Variants in ZNF70 observed in about 807,000 individuals in gnomAD.
The protein encoded by ZNF70 is zinc finger protein 70, also known as zinc finger protein N27C7-1.
Under a neutral mutation model 37.7 loss-of-function variants are expected in ZNF70, and 18 were observed. The ratio of observed to expected loss-of-function variants is 0.48; its 90% CI spans 0.33 to 0.71. ZNF70 has a LOEUF of 0.71. Ranked by LOEUF, ZNF70 falls within the 30% of genes least tolerant of loss-of-function variation. The pLI is 0.02. For missense variants in ZNF70, 506 were observed against 568.6 expected, an observed-to-expected ratio of 0.89 and a Z score of 1.12; for synonymous variants, 219 against 220.1, an observed-to-expected ratio of 0.99 and a Z score of 0.05.
At position 23,745,120 on chromosome 22, in the gene ZNF70, T is replaced by C. The variant is rs543302158; in HGVS notation, c.21A>G (p.Thr7=). 1.9e-6 allele frequency: 3 copies of C among 1,612,356 alleles called. No individual in the cohort carries two copies. In the East Asian group the frequency reaches 6.7e-5, roughly 36 times the overall value. MEVPPA[T]KFGETFAFEN... ...CAAATGCAAAGGTCTCACCAAACTT[T>C]GTTGCTGGGGGAACCTCCATTGTGA... Residue 7 remains threonine, a synonymous_variant, in exon 2 of 2, where the codon ACA becomes ACG. Coordinates refer to ENST00000341976, the MANE Select transcript of ZNF70 (RefSeq NM_021916.4).
intron 1 of ZNF70, among the ~76,000 whole-genome samples, chr22:23,745,638 G>T (rs1223761986): frequency 6.6e-6 from 1 of 152,156 alleles, no homozygotes; most frequent in Non-Finnish European, 1.5e-5. Flanking sequence ...GGGTGTGGTG[G>T]TGGGTGCCTG....
rs1464315230 is a variant in ZNF70 at position 23,739,690 on chromosome 22, C to T, written c.*4110G>A. ...CTTGGCTCACTGCAACCTCCGCCTC[C>T]CGGGTTCAAGCGATTCTCCTGCCTC... On this transcript the variant is annotated 3_prime_UTR_variant, in exon 2 of 2. Transcript: ENST00000341976. 1 of 151,976 alleles carries T rather than the reference C, an allele frequency of 6.6e-6. No homozygotes were observed. The highest frequency in any genetic ancestry group is 1.5e-5 in the Non-Finnish European group (1 of 68,120). 9.4% of individuals were successfully genotyped at this position (151,976 alleles called of 1,614,324 possible).
chr22:23,747,805 CA>C (rs1036139258), intron 1 of ZNF70, among the ~76,000 whole-genome samples: 93 of 152,204 alleles, frequency 6.1e-4, no homozygotes, highest in African/African-American at 2.1e-3. Context: ...GCCTGGGCAA[CA>C]GAGTGAGACT....
intron 1 of ZNF70, among the ~76,000 whole-genome samples, chr22:23,745,445 G>C (rs777246134): frequency 5.9e-5 from 9 of 152,116 alleles, no homozygotes; most frequent in Middle Eastern, 3.2e-3. Flanking sequence ...TAGACTCAAC[G>C]GGCTGAAGGT....
Position 23,743,006 on chromosome 22 carries a change from T to C in ZNF70, c.*794A>G, listed in dbSNP as rs1924930787. ...TGCTGATGTCCAAGGCACACTGTGG[T>C]CTTGGGGACACTATGTCTCAGGGAG... On this transcript the variant is annotated 3_prime_UTR_variant, in exon 2 of 2. Transcript: ENST00000341976. 1.3e-5 allele frequency: 2 copies of C among 152,414 alleles called. No homozygotes were observed. The highest frequency in any genetic ancestry group is 1.5e-5 in the Non-Finnish European group (1 of 68,190). The allele number at this position is 152,414 out of a possible 1,614,324, so 9.4% of individuals were successfully genotyped here.
chr22:23,744,904 G>A lies in ZNF70; in HGVS notation c.237C>T (p.Ile79=), dbSNP rs776314162. 25 of 1,614,200 alleles carry A rather than the reference G, an allele frequency of 1.5e-5. 1 individual carries two copies. The South Asian group carries it at 2.2e-4, about 14-fold the overall frequency. ...CATCCTGGGGTCTGGTTCCTGGGGG[G>A]ATACTTTGATGCTGAACAGGGCTTG... is the stretch of plus-strand genomic sequence containing the variant. ...LCSSPVQHQS[I]PPGTRPQDDE... The change falls in exon 2 of 2, where the codon ATC becomes ATT. Residue 79 remains isoleucine (I), a synonymous_variant. Coordinates refer to ENST00000341976, the MANE Select transcript of ZNF70 (RefSeq NM_021916.4).
Position 23,742,380 on chromosome 22 carries a change from T to C in ZNF70, c.*1420A>G, listed in dbSNP as rs949523676. ...AGGTGGGACACAAGCAATGGTACTG[T>C]TTAAACAAGCCCCACGTGAACTCCT... On this transcript the variant is annotated 3_prime_UTR_variant, in exon 2 of 2. Transcript: ENST00000341976. 6 of 152,222 alleles carry C rather than the reference T, an allele frequency of 3.9e-5. No individual in the cohort carries two copies. The highest frequency in any genetic ancestry group is 1.4e-4 in the African/African-American group (6 of 41,418). 9.4% of individuals were successfully genotyped at this position (152,222 alleles called of 1,614,324 possible). A position where few individuals can be genotyped will look rare whatever the true frequency, so the allele number is the denominator to read the frequency against.
chr22:23,744,234 T>C lies in ZNF70; in HGVS notation c.907A>G (p.Thr303Ala), dbSNP rs751983072. 1 of 1,613,256 alleles carries C rather than the reference T, an allele frequency of 6.2e-7. No individual in the cohort carries two copies. Among genetic ancestry groups the C allele is most frequent in the Non-Finnish European group, 8.5e-7 (1 of 1,179,800 alleles). ...SHLIRHQRIH[T>A]GKKPYKCDEC... is the part of the protein sequence containing the mutation. The stretch of plus-strand genomic sequence containing the variant: ...TCGCATTTGTATGGTTTCTTCCCAG[T>C]GTGGATCCGCTGGTGTCGGATGAGG... The change falls in exon 2 of 2, where the codon ACT (threonine) becomes GCT (alanine). Residue 303 changes from threonine to alanine, a missense_variant. Transcript: ENST00000341976.
At chr22:23,748,791 C>T (rs190479175) in intron 1 of ZNF70, among the ~76,000 whole-genome samples, 18 of 152,140 alleles carry the variant, frequency 1.2e-4, no homozygotes, top group African/African-American at 3.9e-4. Context: ...GTGATCCGCC[C>T]ACCTTGGCAT....
At chr22:23,748,321 C>A (rs551191604) in intron 1 of ZNF70, among the ~76,000 whole-genome samples, 2 of 152,232 alleles carry the variant, frequency 1.3e-5, no homozygotes, top group Admixed American at 1.3e-4. Flanking sequence ...CTCACTGCAG[C>A]CTTGACCTCC....
chr22:23,748,921 T>C (rs1015707757), intron 1 of ZNF70, among the ~76,000 whole-genome samples: 2 of 151,502 alleles, frequency 1.3e-5, no homozygotes, highest in Admixed American at 1.3e-4. Flanking sequence ...TGAACTAAAG[T>C]ATTTTCTTTT....
At chr22:23,748,180 C>CAA (rs528164661) in intron 1 of ZNF70, among the ~76,000 whole-genome samples, 8,955 of 128,940 alleles carry the variant, frequency 0.069, 864 homozygotes, top group African/African-American at 0.24. Flanking sequence ...GTAACTGCCT[C>CAA]AGAAAAAAAA....
At position 23,743,773 on chromosome 22, in the gene ZNF70, T is replaced by C. The variant is rs746032919; in HGVS notation, c.*27A>G. On this transcript the variant is annotated 3_prime_UTR_variant, in exon 2 of 2. Transcript: ENST00000341976. The stretch of plus-strand genomic sequence containing the variant: ...AATAAAGGCTCCATCTGGCACAGGC[T>C]TTCAAGCTTTGTGTGGGCTCCTCTT... 6 of 1,597,444 alleles carry C rather than the reference T, an allele frequency of 3.8e-6. No individual in the cohort carries two copies. The Admixed American group carries it at 1.0e-4, about 28-fold the overall frequency.
Position 23,744,437 on chromosome 22 carries a change from C to T in ZNF70, c.704G>A (p.Arg235Gln), listed in dbSNP as rs201950688. ...ECRECGKDFS[R>Q]SSSLRKHERI... is the part of the protein sequence containing the mutation. ...CTCGTGTTTTCTGAGGCTGGAGCTC[C>T]GGCTGAAATCTTTCCCGCATTCCCT... is the stretch of plus-strand genomic sequence containing the variant. Residue 235 changes from arginine to glutamine, a missense_variant, in exon 2 of 2, where the codon CGG becomes CAG. Transcript: ENST00000341976. 4.0e-5 allele frequency: 65 copies of T among 1,613,550 alleles called. No individual in the cohort carries two copies. Among genetic ancestry groups the T allele is most frequent in the Admixed American group, 5.0e-5 (3 of 59,950 alleles).
At position 23,741,310 on chromosome 22, in the gene ZNF70, A is replaced by T. The variant is rs1167949311; in HGVS notation, c.*2490T>A. The T allele has an allele frequency of 6.6e-6, 1 of 152,236 alleles. No individual in the cohort carries two copies. The highest frequency in any genetic ancestry group is 2.4e-5 in the African/African-American group (1 of 41,450). 9.4% of individuals were successfully genotyped at this position (152,236 alleles called of 1,614,324 possible). A position where few individuals can be genotyped will look rare whatever the true frequency, so the allele number is the denominator to read the frequency against. ...TGATGCCGCCTGCTGTCCCCACTGC[A>T]TCCTAGCATTCTCTCTTCACTCTTG... On this transcript the variant is annotated 3_prime_UTR_variant, in exon 2 of 2. Transcript: ENST00000341976.
rs1164178849 is a variant in ZNF70, at chr22:23,740,424, A to G, written c.*3376T>C. The G allele has an allele frequency of 6.6e-6, 1 of 152,082 alleles. No individual in the cohort carries two copies. The allele number at this position is 152,082 out of a possible 1,614,324, so 9.4% of individuals were successfully genotyped here. A position where few individuals can be genotyped will look rare whatever the true frequency, so the allele number is the denominator to read the frequency against. ...CAGGGATGATCTTTTATAACTTTAC[A>G]CTGTTTGAGAATCTAAATAGAATGA... On this transcript the variant is annotated 3_prime_UTR_variant, in exon 2 of 2. Transcript: ENST00000341976.
At chr22:23,748,450 A>G (rs1350487644) in intron 1 of ZNF70, among the ~76,000 whole-genome samples, 1 of 152,144 alleles carries the variant, frequency 6.6e-6, no homozygotes, top group African/African-American at 2.4e-5. Flanking sequence ...TATGTTGCCC[A>G]GGCTGGTCTT....
Position 23,739,305 on chromosome 22 carries a change from T to C in ZNF70, c.*4495A>G, listed in dbSNP as rs1375571350. ...TATATATTTTTTTTGAGACAGAGTC[T>C]AGCTCTTTTGCCCAGGCTGGAGTGC... On this transcript the variant is annotated 3_prime_UTR_variant, in exon 2 of 2. Coordinates refer to ENST00000341976, the MANE Select transcript of ZNF70 (RefSeq NM_021916.4). 1 of 152,168 alleles carries C rather than the reference T, an allele frequency of 6.6e-6. No individual in the cohort carries two copies. Among genetic ancestry groups the C allele is most frequent in the Non-Finnish European group, 1.5e-5 (1 of 68,036 alleles). 9.4% of individuals were successfully genotyped at this position (152,168 alleles called of 1,614,324 possible). A position where few individuals can be genotyped will look rare whatever the true frequency, so the allele number is the denominator to read the frequency against.
chr22:23,739,277 T>TA lies in ZNF70; in HGVS notation c.*4522_*4523insT. The TA allele has an allele frequency of 6.7e-6, 1 of 149,600 alleles. No individual in the cohort carries two copies. The highest frequency in any genetic ancestry group is 1.5e-5 in the Non-Finnish European group (1 of 67,998). 9.3% of individuals were successfully genotyped at this position (149,600 alleles called of 1,614,324 possible). Reference sequence around the variant, plus strand: ...AGCATTCATCACTTAGAAATTTTTTTTATATATATTTTTTTTGAGACAGAG... The same window carrying TA: ...AGCATTCATCACTTAGAAATTTTTTTATATATATATTTTTTTTGAGACAGAG... On this transcript the variant is annotated 3_prime_UTR_variant, in exon 2 of 2. Transcript: ENST00000341976.
Sources: allele counts gnomAD v4.1 joint callset (sites outside exome capture counted in the v4.1 genomes callset), GRCh38; gene constraint gnomAD v4.1.1; transcripts MANE v1.5; gene names NCBI Gene and HGNC (gene_info 2026-07-23, HGNC 2026-07-21).